CDC123: variants seen among roughly 807,000 people sequenced by gnomAD.
The protein encoded by CDC123 is translation initiation factor eIF2 assembly protein.
Under a neutral mutation model 54.4 loss-of-function variants are expected in CDC123, and 37 were observed. The ratio of observed to expected loss-of-function variants is 0.68; its 90% CI spans 0.52 to 0.89. CDC123 has a LOEUF of 0.89. CDC123 is among the 40% of genes least tolerant of loss of function. CDC123 has a pLI of 0.00. For synonymous variants in CDC123, 144 were observed against 136.8 expected (o/e 1.05, Z -0.37); for missense variants, 361 against 412.1 (o/e 0.88, Z 1.07).
chr10:12,222,877 A>G (rs917098938), intron 6 of CDC123, among the ~76,000 whole-genome samples: 5 of 150,420 alleles, frequency 3.3e-5, no homozygotes, highest in Admixed American at 6.7e-5. Flanking sequence ...TCATCACTGG[A>G]TATGTTACAT....
At chr10:12,207,664 G>T (rs977825670) in intron 2 of CDC123, among the ~76,000 whole-genome samples, 33 of 152,170 alleles carry the variant, frequency 2.2e-4, no homozygotes, top group African/African-American at 7.5e-4. Flanking sequence ...GGGTTGCTCA[G>T]TTTCTGCCCA....
chr10:12,202,037 A>G (rs1438456583), intron 2 of CDC123, among the ~76,000 whole-genome samples: 1 of 152,122 alleles, frequency 6.6e-6, no homozygotes, highest in African/African-American at 2.4e-5. Flanking sequence ...CCTTTTTGAA[A>G]CCTCACAATC....
At chr10:12,226,637 G>A (rs1018867121) in intron 6 of CDC123, among the ~76,000 whole-genome samples, 3 of 151,104 alleles carry the variant, frequency 2.0e-5, no homozygotes, top group East Asian at 1.9e-4. Flanking sequence ...GGGCAGAGGC[G>A]CTCCTCACAT....
intron 9 of CDC123, among the ~76,000 whole-genome samples, chr10:12,238,148 A>C (rs1836003918): frequency 6.6e-6 from 1 of 152,344 alleles, no homozygotes; most frequent in African/African-American, 2.4e-5. Flanking sequence ...TACTTTGCTC[A>C]GTGACTCCCA....
At chr10:12,218,197 A>G (rs373201309) in intron 6 of CDC123, among the ~76,000 whole-genome samples, 2 of 149,876 alleles carry the variant, frequency 1.3e-5, no homozygotes, top group African/African-American at 2.5e-5. Context: ...ATCTCTACCT[A>G]TATACAGATT....
At chr10:12,249,944 T>G in intron 12 of CDC123, 1 of 547,806 alleles carries the variant, frequency 1.8e-6, no homozygotes, top group Non-Finnish European at 3.0e-6. Context: ...TACATGCCTT[T>G]TGAACATTTT....
chr10:12,210,259 A>G, intron 3 of CDC123, 31 bp from the exon 4 acceptor site: 1 of 1,612,578 alleles, frequency 6.2e-7, no homozygotes, highest in Non-Finnish European at 8.5e-7. Context: ...TTTAAATTTA[A>G]TGTTTTATTT....
chr10:12,223,309 A>G (rs540023908), intron 6 of CDC123, among the ~76,000 whole-genome samples: 26 of 148,450 alleles, frequency 1.8e-4, no homozygotes, highest in African/African-American at 5.7e-4. Context: ...TTCTTGAGAC[A>G]GAGTCTCGCT....
chr10:12,231,345 G>A (rs966539794), intron 7 of CDC123, among the ~76,000 whole-genome samples: 5 of 152,088 alleles, frequency 3.3e-5, no homozygotes, highest in Non-Finnish European at 5.9e-5. Context: ...AGGATAGGCC[G>A]GGCGTGGTGG....
In CDC123 at chr10:12,209,969, A is replaced by T. The variant is rs762166828; in HGVS notation, c.149A>T (p.Asp50Val). The change falls in exon 3 of 13, where the codon GAT (aspartate) becomes GTT (valine). Residue 50 changes from aspartate (D) to valine (V), a missense_variant and splice_region_variant. Transcript: ENST00000281141. ...GATGTTTGTTTGTGTTTTTTTAGGG[A>T]TGATCCACCAACACATTCTCAGCCA... ...DDGTLVVSGR[D>V]DPPTHSQPDS... The T allele has an allele frequency of 1.2e-5, 20 of 1,614,014 alleles. 1 individual carries two copies. In the South Asian group the frequency reaches 2.1e-4, roughly 17 times the overall value.
chr10:12,202,969 C>T (rs779154319), intron 2 of CDC123, among the ~76,000 whole-genome samples: 8 of 152,198 alleles, frequency 5.3e-5, no homozygotes, highest in Non-Finnish European at 7.4e-5. Context: ...GAGCTGAGAT[C>T]GCACCATTGC....
At chr10:12,220,826 A>C (rs1835725943) in intron 6 of CDC123, among the ~76,000 whole-genome samples, 2 of 151,964 alleles carry the variant, frequency 1.3e-5, no homozygotes, top group African/African-American at 2.4e-5. Context: ...AAATACAAAA[A>C]ATTAGCCGGG....
intron 9 of CDC123, among the ~76,000 whole-genome samples, 189 bp from the exon 10 acceptor site, chr10:12,238,268 G>A (rs1836005234): frequency 6.6e-6 from 1 of 152,174 alleles, no homozygotes; most frequent in South Asian, 2.1e-4. Context: ...GAACAGTAAA[G>A]CAAAGTTATA....
intron 6 of CDC123, among the ~76,000 whole-genome samples, chr10:12,218,364 C>T (rs550676799): frequency 6.6e-6 from 1 of 151,506 alleles, no homozygotes; most frequent in Admixed American, 6.6e-5. Flanking sequence ...CTCAGCCTCC[C>T]AAGTAGCCGG....
At chr10:12,220,838 G>A (rs113410390) in intron 6 of CDC123, among the ~76,000 whole-genome samples, 22 of 152,180 alleles carry the variant, frequency 1.4e-4, no homozygotes, top group South Asian at 6.2e-4. Flanking sequence ...TTAGCCGGGC[G>A]TGGTGGCGGG....
At chr10:12,209,232 A>G (rs924521457) in intron 2 of CDC123, among the ~76,000 whole-genome samples, 13 of 151,862 alleles carry the variant, frequency 8.6e-5, no homozygotes, top group African/African-American at 3.2e-4. Context: ...CTGTACTCTC[A>G]TTTATTTATT....
chr10:12,240,714 TAAA>T (rs1836045431), intron 10 of CDC123, among the ~76,000 whole-genome samples: 1 of 152,010 alleles, frequency 6.6e-6, no homozygotes. Flanking sequence ...CGTCTCTACA[TAAA>T]AATTAGCCAG....
chr10:12,199,930 C>G (rs1413850739), intron 2 of CDC123, among the ~76,000 whole-genome samples: 5 of 147,464 alleles, frequency 3.4e-5, no homozygotes. Flanking sequence ...TCACGCTATT[C>G]TCCTGCCTCA....
chr10:12,199,820 T>A (rs1341990447), intron 2 of CDC123, among the ~76,000 whole-genome samples: 1 of 152,040 alleles, frequency 6.6e-6, no homozygotes, highest in Non-Finnish European at 1.5e-5. Flanking sequence ...GATATAATTT[T>A]TTTTGTTTTG....
Sources: allele counts gnomAD v4.1 joint callset (sites outside exome capture counted in the v4.1 genomes callset), GRCh38; gene constraint gnomAD v4.1.1; transcripts MANE v1.5; gene names NCBI Gene and HGNC (gene_info 2026-07-23, HGNC 2026-07-21).